PDE4A: variants seen among roughly 807,000 people sequenced by gnomAD.
The protein encoded by PDE4A is phosphodiesterase 4A.
In PDE4A, 21 loss-of-function variants were observed where a neutral mutation model predicts 73.9. The observed-to-expected ratio is 0.28, with a 90% confidence interval of 0.20 to 0.41. The LOEUF (loss-of-function observed/expected upper bound fraction) is 0.41, where lower values mean the gene tolerates loss of function less well. Among genes scored for constraint, PDE4A ranks in the 10% least tolerant of loss-of-function variants. The pLI is 1.00. For missense variants in PDE4A, 958 were observed against 1,211.4 expected (o/e 0.79, Z 3.10); for synonymous variants, 463 against 505.4 (o/e 0.92, Z 1.13).
intron 14 of PDE4A, chr19:10,464,480 G>A (rs1257321683): frequency 6.6e-6 from 3 of 454,284 alleles, no homozygotes; most frequent in Non-Finnish European, 1.3e-5. Flanking sequence ...GCAGTGGTGT[G>A]ATCATAGCTC....
At chr19:10,420,469 G>A, upstream of PDE4A, 1 of 831,660 alleles carries the variant, frequency 1.2e-6, no homozygotes, top group Non-Finnish European at 1.5e-6. The surrounding 1 kb of genome is among the most constrained non-coding windows in gnomAD (Gnocchi z 6.0). Context: ...GGCGGGGAGG[G>A]GCGGGACGGG....
At chr19:10,463,036 TTCCTGTCCTG>T (rs111317111) in intron 13 of PDE4A, among the ~76,000 whole-genome samples, 1 of 151,950 alleles carries the variant, frequency 6.6e-6, no homozygotes, top group Non-Finnish European at 1.5e-5. Context: ...TTCCTTTCCT[TTCCTGTCCTG>T]TCCTGTCCTG....
At chr19:10,451,123 G>A (rs2043084008) in intron 6 of PDE4A, among the ~76,000 whole-genome samples, 182 bp downstream of exon 6, 1 of 152,172 alleles carries the variant, frequency 6.6e-6, no homozygotes, top group Non-Finnish European at 1.5e-5. Flanking sequence ...TCCCTGGGCG[G>A]GGGCTGGTGG....
At chr19:10,422,640 G>A (rs2042665573) in intron 1 of PDE4A, among the ~76,000 whole-genome samples, 1 of 152,058 alleles carries the variant, frequency 6.6e-6, no homozygotes, top group South Asian at 2.1e-4. Context: ...GGGGTCTTCA[G>A]CAGTCATTGC....
intron 1 of PDE4A, among the ~76,000 whole-genome samples, chr19:10,427,133 C>T (rs2042727752): frequency 6.6e-6 from 1 of 152,006 alleles, no homozygotes; most frequent in Non-Finnish European, 1.5e-5. Flanking sequence ...AACTCCATCT[C>T]TACTAAAAAT....
intron 7 of PDE4A, among the ~76,000 whole-genome samples, chr19:10,455,716 C>T (rs144758689): frequency 6.6e-5 from 10 of 151,814 alleles, no homozygotes; most frequent in East Asian, 3.9e-4. Context: ...GCTGAGATCA[C>T]GCCACTGCTG....
chr19:10,437,338 G>A (rs754468323), intron 1 of PDE4A, among the ~76,000 whole-genome samples: 1 of 152,074 alleles, frequency 6.6e-6, no homozygotes, highest in African/African-American at 2.4e-5. Flanking sequence ...TGGTCAGGCT[G>A]GTCTCGAACT....
chr19:10,459,550 C>G (rs765201965), intron 9 of PDE4A, 45 bp from the exon 10 acceptor site: 5 of 1,610,956 alleles, frequency 3.1e-6, no homozygotes, highest in Non-Finnish European at 3.4e-6. Context: ...TAGCGGGGCG[C>G]TGGAGGCCGG....
chr19:10,419,953 A>T (rs1396689868), upstream of PDE4A: 1 of 152,756 alleles, frequency 6.5e-6, no homozygotes, highest in East Asian at 1.9e-4. Flanking sequence ...ACAGCAGCCA[A>T]CCACGTGCGC....
intron 13 of PDE4A, among the ~76,000 whole-genome samples, chr19:10,463,543 G>T (rs1467233498): frequency 6.6e-6 from 1 of 151,644 alleles, no homozygotes; most frequent in Non-Finnish European, 1.5e-5. Context: ...TGGGATTACA[G>T]GCATGTGCCA....
chr19:10,462,914 C>T (rs1044549325), intron 13 of PDE4A, among the ~76,000 whole-genome samples: 14 of 151,896 alleles, frequency 9.2e-5, no homozygotes, highest in Admixed American at 5.3e-4. Flanking sequence ...AGCCTGAAAG[C>T]TGGGTGTGGT....
chr19:10,455,595 CT>C (rs1178202863), intron 7 of PDE4A, among the ~76,000 whole-genome samples: 1 of 152,116 alleles, frequency 6.6e-6, no homozygotes, highest in Non-Finnish European at 1.5e-5. Flanking sequence ...GATCACACCA[CT>C]GCGTTCCAGC....
At chr19:10,437,892 C>T (rs1375929485) in intron 1 of PDE4A, among the ~76,000 whole-genome samples, 3 of 148,674 alleles carry the variant, frequency 2.0e-5, no homozygotes, top group Non-Finnish European at 4.5e-5. Flanking sequence ...GCAGTCTATA[C>T]CTCCAGGGCT....
chr19:10,467,391 C>G lies in PDE4A; in HGVS notation c.2431C>G (p.Pro811Ala). Residue 811 changes from proline (P) to alanine (A), a missense_variant, in exon 15 of 15, where the codon CCC (proline) becomes GCC (alanine). Coordinates refer to ENST00000380702, the MANE Select transcript of PDE4A (RefSeq NM_001111307.2). ...EFVVAVSHSS[P>A]SALALQSPLL... ...CGTGGTTGCTGTAAGCCACAGCAGC[C>G]CCTCTGCCCTGGCTCTTCAAAGCCC... The G allele has an allele frequency of 6.2e-7, 1 of 1,614,146 alleles. No homozygotes were observed. Among genetic ancestry groups the G allele is most frequent in the Middle Eastern group, 1.6e-4 (1 of 6,062 alleles).
intron 1 of PDE4A, among the ~76,000 whole-genome samples, chr19:10,425,331 C>T (rs1163211858): frequency 6.6e-6 from 1 of 152,182 alleles, no homozygotes; most frequent in Non-Finnish European, 1.5e-5. Context: ...GGGGTCAGTG[C>T]TTGTGCCTCT....
intron 13 of PDE4A, 115 bp downstream of exon 13, chr19:10,462,114 T>C: frequency 2.6e-6 from 2 of 783,264 alleles, no homozygotes; most frequent in South Asian, 1.9e-5. Flanking sequence ...CCCATCTTCC[T>C]GTGTCCTTCT....
intron 1 of PDE4A, chr19:10,430,880 G>T (rs2042778811): frequency 6.8e-7 from 1 of 1,469,132 alleles, no homozygotes; most frequent in Non-Finnish European, 8.9e-7. Context: ...GCATCCCGGA[G>T]CTGCAACTGG....
At chr19:10,422,037 A>G (rs1379760981) in intron 1 of PDE4A, among the ~76,000 whole-genome samples, 1 of 152,124 alleles carries the variant, frequency 6.6e-6, no homozygotes, top group Admixed American at 6.5e-5. Context: ...GGTTTGCGAC[A>G]GTGACTGTGT....
chr19:10,420,510 C>A (rs1220822747), upstream of PDE4A: 1 of 1,040,438 alleles, frequency 9.6e-7, no homozygotes, highest in South Asian at 4.7e-5. The surrounding 1 kb of genome is among the most constrained non-coding windows in gnomAD (Gnocchi z 6.0). Context: ...GCCGAGCGGG[C>A]CGCGGAACGC....
Sources: allele counts gnomAD v4.1 joint callset (sites outside exome capture counted in the v4.1 genomes callset), GRCh38; gene constraint gnomAD v4.1.1; non-coding constraint Gnocchi (gnomAD v3.1); transcripts MANE v1.5; gene names NCBI Gene and HGNC (gene_info 2026-07-23, HGNC 2026-07-21).